The following RASGRF2 variants were observed in gnomAD, a reference collection of about 807,000 sequenced individuals.
The protein encoded by RASGRF2 is Ras protein specific guanine nucleotide releasing factor 2, also known as ras-specific guanine nucleotide-releasing factor 2.
A neutral mutation model predicts 151.0 loss-of-function variants in RASGRF2; 76 were observed. The observed-to-expected ratio is 0.50, with a 90% CI of 0.42 to 0.61. The LOEUF (loss-of-function observed/expected upper bound fraction) is 0.61, where lower values mean the gene tolerates loss of function less well. Ranked by LOEUF, RASGRF2 falls within the 20% of genes least tolerant of loss-of-function variation. The probability of loss-of-function intolerance (pLI) is 0.00; values close to 1 mark genes in which losing one functional copy is unlikely to be tolerated. For missense variants in RASGRF2, 1,148 were observed against 1,564.6 expected (o/e 0.73, Z 4.49); for synonymous variants, 504 against 566.5 (o/e 0.89, Z 1.57).
chr5:81,126,574 C>T (rs1357848906), intron 16 of RASGRF2, among the ~76,000 whole-genome samples: 1 of 152,164 alleles, frequency 6.6e-6, no homozygotes, highest in African/African-American at 2.4e-5. Context: ...CCTCCAACCC[C>T]AGCAGCCCTA....
intron 18 of RASGRF2, among the ~76,000 whole-genome samples, chr5:81,187,718 A>G (rs1755056656): frequency 6.6e-6 from 1 of 152,166 alleles, no homozygotes; most frequent in South Asian, 2.1e-4. Context: ...TTAAGGTGGA[A>G]AAGTGTGTGA....
At chr5:81,095,615 T>C (rs1752525424) in intron 12 of RASGRF2, among the ~76,000 whole-genome samples, 1 of 152,252 alleles carries the variant, frequency 6.6e-6, no homozygotes, top group Non-Finnish European at 1.5e-5. Context: ...AAGCTCCATA[T>C]GAATTTTGGC....
chr5:81,057,339 G>A (rs1010950746), intron 2 of RASGRF2, among the ~76,000 whole-genome samples: 11 of 151,964 alleles, frequency 7.2e-5, no homozygotes, highest in South Asian at 2.1e-4. Flanking sequence ...TCATATATAC[G>A]TCCTCAGTCA....
At chr5:81,098,738 T>C (rs1752617417) in intron 12 of RASGRF2, among the ~76,000 whole-genome samples, 1 of 152,210 alleles carries the variant, frequency 6.6e-6, no homozygotes, top group Middle Eastern at 3.2e-3. Context: ...TGCTCTTGAC[T>C]GAGCCTAGCC....
At chr5:81,000,229 A>G (rs1362834536) in intron 1 of RASGRF2, among the ~76,000 whole-genome samples, 1 of 152,214 alleles carries the variant, frequency 6.6e-6, no homozygotes, top group Non-Finnish European at 1.5e-5. Flanking sequence ...CCACATATCC[A>G]TGCTTTCCTT....
chr5:81,117,471 A>G (rs1407022237), intron 15 of RASGRF2, among the ~76,000 whole-genome samples: 1 of 152,184 alleles, frequency 6.6e-6, no homozygotes, highest in Non-Finnish European at 1.5e-5. Context: ...TAATCCATTT[A>G]TGTGTGTAGA....
chr5:81,188,620 T>C (rs1038227457), intron 18 of RASGRF2, among the ~76,000 whole-genome samples: 9 of 152,206 alleles, frequency 5.9e-5, no homozygotes, highest in African/African-American at 2.2e-4. Context: ...AAAAAAATAC[T>C]GTATCACTTA....
chr5:81,120,898 G>A (rs959437206), intron 15 of RASGRF2, among the ~76,000 whole-genome samples: 11 of 152,222 alleles, frequency 7.2e-5, no homozygotes, highest in African/African-American at 2.7e-4. Flanking sequence ...AACACTCTGG[G>A]TAGAAAGTTT....
At chr5:81,099,108 T>C (rs1443058787) in intron 12 of RASGRF2, among the ~76,000 whole-genome samples, 1 of 152,184 alleles carries the variant, frequency 6.6e-6, no homozygotes, top group Non-Finnish European at 1.5e-5. Context: ...ATAAGCTCCA[T>C]AGATCACTTC....
chr5:81,057,832 A>T (rs2112429532), intron 2 of RASGRF2, among the ~76,000 whole-genome samples: 1 of 152,056 alleles, frequency 6.6e-6, no homozygotes, highest in Non-Finnish European at 1.5e-5. Flanking sequence ...TCGTCTCCAC[A>T]AAACAATCAA....
At chr5:80,993,607 G>A (rs886500569) in intron 1 of RASGRF2, among the ~76,000 whole-genome samples, 4 of 152,224 alleles carry the variant, frequency 2.6e-5, no homozygotes, top group African/African-American at 9.6e-5. Context: ...CCAAGGGAGG[G>A]CAGGGCTTTG....
At chr5:81,216,378 CACACACAA>C (rs1467155454) in intron 24 of RASGRF2, among the ~76,000 whole-genome samples, 8 of 127,654 alleles carry the variant, frequency 6.3e-5, no homozygotes, top group South Asian at 2.4e-4. Flanking sequence ...CGCACACACA[CACACACAA>C]ACACACACAC....
At chr5:81,127,327 T>G (rs1309590736) in intron 17 of RASGRF2, among the ~76,000 whole-genome samples, 164 bp downstream of exon 17, 1 of 152,152 alleles carries the variant, frequency 6.6e-6, no homozygotes, top group Non-Finnish European at 1.5e-5. Flanking sequence ...AGTTTGAGAC[T>G]AGCCAGGGCA....
At chr5:81,014,629 G>A (rs1282001828) in intron 1 of RASGRF2, among the ~76,000 whole-genome samples, 6 of 152,104 alleles carry the variant, frequency 3.9e-5, no homozygotes, top group Non-Finnish European at 8.8e-5. Context: ...TCCCTGTGGT[G>A]GGCAGCAACT....
intron 18 of RASGRF2, among the ~76,000 whole-genome samples, chr5:81,200,871 T>C (rs1020660633): frequency 3.3e-5 from 5 of 152,124 alleles, no homozygotes; most frequent in African/African-American, 1.2e-4. Context: ...TTCCAGGCTA[T>C]GAGAAGCACA....
chr5:80,996,804 T>C (rs1748899785), intron 1 of RASGRF2, among the ~76,000 whole-genome samples: 1 of 151,476 alleles, frequency 6.6e-6, no homozygotes, highest in Non-Finnish European at 1.5e-5. Flanking sequence ...TTCACCATGT[T>C]GGCCAGGCTG....
chr5:81,140,009 C>T (rs1055874771), intron 17 of RASGRF2, among the ~76,000 whole-genome samples: 7 of 151,864 alleles, frequency 4.6e-5, no homozygotes, highest in Admixed American at 2.0e-4. Flanking sequence ...TTTTAGGTTT[C>T]GTAGAGATGA....
At chr5:81,224,984 A>G (rs1182116088) in intron 26 of RASGRF2, among the ~76,000 whole-genome samples, 3 of 150,944 alleles carry the variant, frequency 2.0e-5, no homozygotes, top group Non-Finnish European at 3.0e-5. Context: ...AAAACAGATC[A>G]AACTATCTAT....
intron 1 of RASGRF2, among the ~76,000 whole-genome samples, chr5:80,975,324 T>C (rs911308481): frequency 1.3e-5 from 2 of 152,020 alleles, no homozygotes; most frequent in African/African-American, 4.8e-5. Flanking sequence ...TTTTTTTTTT[T>C]CTTTTTGGCA....
Sources: gnomAD v4.1 joint callset for allele counts (sites outside exome capture counted in the v4.1 genomes callset) on GRCh38, gnomAD v4.1.1 for gene constraint, MANE v1.5 for transcripts, NCBI Gene and HGNC (gene_info 2026-07-23, HGNC 2026-07-21) for gene names.